XRCC4: variants seen among roughly 807,000 people sequenced by gnomAD.
The protein encoded by XRCC4 is X-ray repair cross complementing 4.
In XRCC4, 28 loss-of-function variants were observed where a neutral mutation model predicts 39.1. That is an observed-to-expected ratio of 0.72 (90% confidence interval 0.53 to 0.98). The LOEUF (loss-of-function observed/expected upper bound fraction) is 0.98, where lower values mean the gene tolerates loss of function less well. Among genes scored for constraint, XRCC4 ranks in the 50% least tolerant of loss-of-function variants. XRCC4 has a pLI of 0.00. For synonymous variants in XRCC4, 123 were observed against 126.4 expected, an observed-to-expected ratio of 0.97 and a Z score of 0.18; for missense variants, 350 against 376.4, an observed-to-expected ratio of 0.93 and a Z score of 0.58.
chr5:83,247,008 C>A (rs1025224882), intron 6 of XRCC4, among the ~76,000 whole-genome samples: 2 of 152,052 alleles, frequency 1.3e-5, no homozygotes, highest in African/African-American at 4.8e-5. Flanking sequence ...TATTTGCCTT[C>A]TTTGATTGTG....
intron 7 of XRCC4, among the ~76,000 whole-genome samples, chr5:83,312,312 T>C (rs963638909): frequency 2.0e-5 from 3 of 152,146 alleles, no homozygotes; most frequent in South Asian, 2.1e-4. Flanking sequence ...GAGAGTGTAA[T>C]GAAAGAGGAG....
At chr5:83,197,239 G>A (rs1474999502) in intron 4 of XRCC4, among the ~76,000 whole-genome samples, 1 of 152,076 alleles carries the variant, frequency 6.6e-6, no homozygotes, top group Non-Finnish European at 1.5e-5. Flanking sequence ...CAATGTGATA[G>A]TATGAATCAG....
At chr5:83,231,534 C>G (rs1752495113) in intron 6 of XRCC4, among the ~76,000 whole-genome samples, 1 of 151,994 alleles carries the variant, frequency 6.6e-6, no homozygotes, top group Non-Finnish European at 1.5e-5. Flanking sequence ...CTTTTTAAAT[C>G]ATTTTATCTG....
chr5:83,363,056 C>T, the XRCC4 span, among the ~76,000 whole-genome samples: 1 of 152,166 alleles, frequency 6.6e-6, no homozygotes, highest in African/African-American at 2.4e-5. Flanking sequence ...TGTAAACAGA[C>T]AATCAAGATA....
intron 3 of XRCC4, among the ~76,000 whole-genome samples, chr5:83,183,096 C>T (rs927562738): frequency 9.2e-5 from 14 of 152,142 alleles, no homozygotes; most frequent in Non-Finnish European, 1.0e-4. Flanking sequence ...CTTCTGGTAT[C>T]TAGCACTGTT....
intron 1 of XRCC4, among the ~76,000 whole-genome samples, chr5:83,092,600 G>GAT (rs149281223): frequency 0.017 from 2,656 of 151,912 alleles, 66 homozygotes; most frequent in African/African-American, 0.061. Flanking sequence ...ACTTTCAAGG[G>GAT]ATATATATAT....
At chr5:83,341,944 T>C (rs1298997254) in intron 7 of XRCC4, among the ~76,000 whole-genome samples, 1 of 152,178 alleles carries the variant, frequency 6.6e-6, no homozygotes, top group Non-Finnish European at 1.5e-5. Flanking sequence ...GCTTCTAGGC[T>C]AGTGAGGGAA....
At chr5:83,358,127 G>T (rs1049485627), downstream of XRCC4, among the ~76,000 whole-genome samples, 8 of 152,126 alleles carry the variant, frequency 5.3e-5, no homozygotes, top group Admixed American at 5.2e-4. Flanking sequence ...TTTCGGGAAG[G>T]TAGACTTCAT....
At position 83,307,303 on chromosome 5, in the gene XRCC4, G is replaced by A. The variant is rs566168343; in HGVS notation, c.894-45828G>A. Among the ~76,000 whole-genome samples the A allele has an allele frequency of 1.1e-4, 17 of 152,202 alleles. No individual in the cohort carries two copies. In the South Asian group the frequency reaches 3.3e-3, roughly 30 times the overall value. On this transcript the variant is annotated intron_variant, in intron 7 of 7. Coordinates refer to ENST00000396027, the MANE Select transcript of XRCC4 (RefSeq NM_003401.5). The stretch of plus-strand genomic sequence containing the variant: ...GGAGGGGCAGAGTCATAGAGAATAG[G>A]TAATATTTCTATCTATGGCCCTTCC...
At chr5:83,370,072 T>C in the XRCC4 span, among the ~76,000 whole-genome samples, 2 of 152,168 alleles carry the variant, frequency 1.3e-5, no homozygotes, top group East Asian at 3.8e-4. Flanking sequence ...CTAGACTATA[T>C]TGCCACATCC....
At chr5:83,357,990 G>A (rs564881321), downstream of XRCC4, among the ~76,000 whole-genome samples, 1 of 152,274 alleles carries the variant, frequency 6.6e-6, no homozygotes, top group African/African-American at 2.4e-5. Flanking sequence ...GTTACATTTT[G>A]TATTCATTTC....
chr5:83,148,430 A>T (rs935815707), intron 3 of XRCC4, among the ~76,000 whole-genome samples: 7 of 152,120 alleles, frequency 4.6e-5, no homozygotes, highest in Admixed American at 4.6e-4. Flanking sequence ...TGTTTATGAA[A>T]TGAGGGGATG....
intron 3 of XRCC4, among the ~76,000 whole-genome samples, chr5:83,141,141 T>G (rs1748152594): frequency 6.6e-6 from 1 of 152,258 alleles, no homozygotes. Context: ...CATAAGGAAC[T>G]TCTCCTTTTT....
rs574371645 is a variant in XRCC4 at position 83,251,133 on chromosome 5, A to G, written c.746-7397A>G. Among the ~76,000 whole-genome samples, 192 of 152,344 alleles carry G rather than the reference A, an allele frequency of 1.3e-3. 1 individual carries two copies. The highest frequency in any genetic ancestry group is 2.0e-3 in the Non-Finnish European group (136 of 68,036). On this transcript the variant is annotated intron_variant, in intron 6 of 7. Transcript: ENST00000396027. ...TTTGCCTCTGCATAGAATAGTTCAT[A>G]AAACACTCAATAAATATTGGTTGAA...
intron 1 of XRCC4, among the ~76,000 whole-genome samples, chr5:83,101,063 C>T (rs768401110): frequency 1.1e-4 from 16 of 151,818 alleles, no homozygotes; most frequent in Middle Eastern, 6.8e-3. Context: ...ATTTTACATG[C>T]CTAATTGATG....
intron 1 of XRCC4, among the ~76,000 whole-genome samples, chr5:83,078,318 C>T (rs984791968): frequency 3.3e-5 from 5 of 152,206 alleles, no homozygotes; most frequent in African/African-American, 1.2e-4. Context: ...TTGCGTAGTT[C>T]TTGGAATTCT....
chr5:83,205,365 A>G (rs1751377551), intron 6 of XRCC4, among the ~76,000 whole-genome samples: 1 of 152,142 alleles, frequency 6.6e-6, no homozygotes, highest in Non-Finnish European at 1.5e-5. Flanking sequence ...TTCAGAAAAA[A>G]GATTGCAACA....
intron 6 of XRCC4, among the ~76,000 whole-genome samples, chr5:83,221,977 G>A (rs1752102623): frequency 6.6e-6 from 1 of 151,500 alleles, no homozygotes; most frequent in African/African-American, 2.4e-5. Flanking sequence ...TTATCTGATA[G>A]TAGTATAACT....
At chr5:83,105,125 C>A in intron 2 of XRCC4, 67 bp downstream of exon 2, 1 of 1,456,522 alleles carries the variant, frequency 6.9e-7, no homozygotes, top group South Asian at 1.4e-5. Context: ...CTCAGGGATA[C>A]TTTTCCATTA....
Sources: allele counts gnomAD v4.1 joint callset (sites outside exome capture counted in the v4.1 genomes callset), GRCh38; gene constraint gnomAD v4.1.1; transcripts MANE v1.5; gene names NCBI Gene and HGNC (gene_info 2026-07-23, HGNC 2026-07-21).